ARL4D: variants seen among roughly 807,000 people sequenced by gnomAD.
The protein encoded by ARL4D is ADP-ribosylation factor-like protein 4D.
In ARL4D, 1 loss-of-function variant was observed where a neutral mutation model predicts 0.6. The observed-to-expected ratio is 1.64, with a 90% CI of 0.58 to 7.76. The LOEUF (loss-of-function observed/expected upper bound fraction) is 7.76, where lower values mean the gene tolerates loss of function less well. Among genes scored for constraint, ARL4D ranks in the 30% most tolerant of loss-of-function variants. ARL4D has a pLI of 0.14. For synonymous variants in ARL4D, 102 were observed against 115.2 expected (o/e 0.89, Z 0.73); for missense variants, 230 against 264.5 (o/e 0.87, Z 0.90).
At chr17:43,399,555 A>T (rs1049822866) in intron 1 of ARL4D, 106 bp from the exon 2 acceptor site, 14 of 808,054 alleles carry the variant, frequency 1.7e-5, no homozygotes, top group Middle Eastern at 3.0e-4. Context: ...AAGGAATTTT[A>T]AAAATGAAGG....
At chr17:43,399,529 A>G in intron 1 of ARL4D, 132 bp from the exon 2 acceptor site, 2 of 700,452 alleles carry the variant, frequency 2.9e-6, no homozygotes, top group Non-Finnish European at 4.5e-6. Context: ...TGCCTTAAAA[A>G]AAAAAAAAAA....
chr17:43,399,865 G>A lies in ARL4D; in HGVS notation c.133G>A (p.Glu45Lys). ...TSLLYRLKFK[E>K]FVQSVPTKGF... ...CCTCCTTTACCGCCTCAAGTTCAAGGAGTTTGTCCAGAGTGTCCCCACCAA... is the reference window on the plus strand; with the variant it reads ...CCTCCTTTACCGCCTCAAGTTCAAGAAGTTTGTCCAGAGTGTCCCCACCAA... The change falls in exon 2 of 2, where the codon GAG (glutamate) becomes AAG (lysine). Residue 45 changes from glutamate to lysine, a missense_variant. By Grantham distance (56) the Glu-to-Lys change is moderately conservative. This residue lies in a region of ARL4D where 91 missense variants were observed against 100.4 expected (regional missense o/e 0.91). Transcript: ENST00000320033. The A allele has an allele frequency of 6.2e-7, 1 of 1,614,044 alleles. No homozygotes were observed. Among genetic ancestry groups the A allele is most frequent in the Non-Finnish European group, 8.5e-7 (1 of 1,180,006 alleles).
intron 1 of ARL4D, among the ~76,000 whole-genome samples, 170 bp downstream of exon 1, chr17:43,399,263 G>A (rs2058077503): frequency 1.3e-5 from 2 of 152,096 alleles, no homozygotes; most frequent in Admixed American, 1.3e-4. Context: ...GCGGAGGGCG[G>A]GTGGGAGCCG....
chr17:43,400,098 C>T lies in ARL4D; in HGVS notation c.366C>T (p.Ala122=), dbSNP rs142692407. 498 of 1,611,564 alleles carry T rather than the reference C, an allele frequency of 3.1e-4. 1 individual carries two copies. The highest frequency in any genetic ancestry group is 4.1e-4 in the Non-Finnish European group (481 of 1,179,952). The part of the protein sequence containing the change: ...AKVELHRISR[A]SDNQGVPVLV... ...TGGAGTTGCACCGAATCAGCCGGGCCTCGGACAACCAGGGCGTGCCAGTGC... is the reference window on the plus strand; with the variant it reads ...TGGAGTTGCACCGAATCAGCCGGGCTTCGGACAACCAGGGCGTGCCAGTGC... Residue 122 remains alanine, a synonymous_variant, in exon 2 of 2, where the codon GCC becomes GCT. Coordinates refer to ENST00000320033, the MANE Select transcript of ARL4D (RefSeq NM_001661.4).
chr17:43,399,518 A>G, intron 1 of ARL4D, 143 bp from the exon 2 acceptor site: 1 of 605,256 alleles, frequency 1.7e-6, no homozygotes, highest in Non-Finnish European at 2.7e-6. Flanking sequence ...CACCTCTGTT[A>G]TGCCTTAAAA....
intron 1 of ARL4D, among the ~76,000 whole-genome samples, chr17:43,399,328 T>C (rs1344030740): frequency 2.0e-5 from 3 of 151,974 alleles, no homozygotes; most frequent in Non-Finnish European, 1.5e-5. Flanking sequence ...GGGGGCACTG[T>C]CGACTTCCCC....
In ARL4D at chr17:43,400,386, T is replaced by C. The variant is rs1321555060; in HGVS notation, c.*48T>C. ...TCCCACCTAGTAGGGGTCTGCACAC[T>C]TGGACAGCAGGGTGGGACCAGCCTG... On this transcript the variant is annotated 3_prime_UTR_variant, in exon 2 of 2. Transcript: ENST00000320033. The C allele has an allele frequency of 1.2e-5, 18 of 1,528,374 alleles. No individual in the cohort carries two copies. The highest frequency in any genetic ancestry group is 1.6e-5 in the Non-Finnish European group (18 of 1,139,480). 94.7% of individuals were successfully genotyped at this position (1,528,374 alleles called of 1,614,324 possible). A position where few individuals can be genotyped will look rare whatever the true frequency, so the allele number is the denominator to read the frequency against.
rs1277303980 is a variant in ARL4D, at chr17:43,400,420, C to CA, written c.*83dup. On this transcript the variant is annotated 3_prime_UTR_variant, in exon 2 of 2. Coordinates refer to ENST00000320033, the MANE Select transcript of ARL4D (RefSeq NM_001661.4). ...AGGGTGGGACCAGCCTGTGACCTCT[C>CA]AGTCAGACTGGGGTGCAGGACCTGT... The CA allele has an allele frequency of 1.2e-5, 18 of 1,493,464 alleles. No homozygotes were observed. Among genetic ancestry groups the CA allele is most frequent in the South Asian group, 8.2e-5 (6 of 73,036 alleles). 92.5% of individuals were successfully genotyped at this position (1,493,464 alleles called of 1,614,324 possible).
At position 43,399,741 on chromosome 17, in the gene ARL4D, C is replaced by T. The variant is rs2058079817; in HGVS notation, c.9C>T (p.Asn3=). MG[N]HLTEMAPTAS... is the part of the protein sequence containing the mutation. Reference sequence around the variant, plus strand: ...AGGCGCCTTAGCTCACTATGGGGAACCACTTGACTGAGATGGCGCCCACTG... The same window carrying T: ...AGGCGCCTTAGCTCACTATGGGGAATCACTTGACTGAGATGGCGCCCACTG... Residue 3 remains asparagine (N), a synonymous_variant, in exon 2 of 2, where the codon AAC becomes AAT. Coordinates refer to ENST00000320033, the MANE Select transcript of ARL4D (RefSeq NM_001661.4). 6.2e-7 allele frequency: 1 copy of T among 1,612,232 alleles called. No individual in the cohort carries two copies. The highest frequency in any genetic ancestry group is 1.7e-5 in the Admixed American group (1 of 59,962).
At position 43,400,512 on chromosome 17, in the gene ARL4D, G is replaced by C. The variant is rs868656496; in HGVS notation, c.*174G>C. On this transcript the variant is annotated 3_prime_UTR_variant, in exon 2 of 2. Coordinates refer to ENST00000320033, the MANE Select transcript of ARL4D (RefSeq NM_001661.4). ...TGGTGCCACACTGGGGTGGGGATGG[G>C]AGATGGGATGTCTTTGCATATCTCT... The C allele has an allele frequency of 1.3e-6, 1 of 779,800 alleles. No homozygotes were observed. The highest frequency in any genetic ancestry group is 3.9e-4 in the Middle Eastern group (1 of 2,560). The allele number at this position is 779,800 out of a possible 1,614,324, so 48.3% of individuals were successfully genotyped here. A position where few individuals can be genotyped will look rare whatever the true frequency, so the allele number is the denominator to read the frequency against.
In ARL4D at chr17:43,400,776, T is replaced by C. The variant is rs2058085425; in HGVS notation, c.*438T>C. 8 of 176,504 alleles carry C rather than the reference T, an allele frequency of 4.5e-5. No individual in the cohort carries two copies. In the South Asian group the frequency reaches 1.4e-3, roughly 30 times the overall value. The allele number at this position is 176,504 out of a possible 1,614,324, so 10.9% of individuals were successfully genotyped here. On this transcript the variant is annotated 3_prime_UTR_variant, in exon 2 of 2. Transcript: ENST00000320033. ...CAGGCTGCTTTTCTAGGAATACCAGTCACATAGTTTTTATTTTTGTGTCTG... is the reference window on the plus strand; with the variant it reads ...CAGGCTGCTTTTCTAGGAATACCAGCCACATAGTTTTTATTTTTGTGTCTG...
In ARL4D at chr17:43,399,731, C is replaced by T; in HGVS notation, c.-2C>T. 1 of 1,611,328 alleles carries T rather than the reference C, an allele frequency of 6.2e-7. No individual in the cohort carries two copies. Among genetic ancestry groups the T allele is most frequent in the Non-Finnish European group, 8.5e-7 (1 of 1,177,992 alleles). On this transcript the variant is annotated 5_prime_UTR_variant, in exon 2 of 2. Coordinates refer to ENST00000320033, the MANE Select transcript of ARL4D (RefSeq NM_001661.4). ...TGCCTCTACTAGGCGCCTTAGCTCA[C>T]TATGGGGAACCACTTGACTGAGATG... is the stretch of plus-strand genomic sequence containing the variant.
intron 1 of ARL4D, 84 bp from the exon 2 acceptor site, chr17:43,399,577 A>T: frequency 5.6e-6 from 5 of 892,754 alleles, no homozygotes; most frequent in South Asian, 1.9e-5. Context: ...TGGGAGGGTG[A>T]TTTAGGAAGG....
Position 43,400,746 on chromosome 17 carries a change from C to CT in ARL4D, c.*409dup, listed in dbSNP as rs2058085321. Reference sequence around the variant, plus strand: ...TTCCTCTGTCCCCCAACTGGGGAGTCTCCCCAGGCTGCTTTTCTAGGAATA... The same window carrying CT: ...TTCCTCTGTCCCCCAACTGGGGAGTCTTCCCCAGGCTGCTTTTCTAGGAATA... On this transcript the variant is annotated 3_prime_UTR_variant, in exon 2 of 2. Coordinates refer to ENST00000320033, the MANE Select transcript of ARL4D (RefSeq NM_001661.4). 1 of 181,058 alleles carries CT rather than the reference C, an allele frequency of 5.5e-6. No homozygotes were observed. The highest frequency in any genetic ancestry group is 2.4e-5 in the African/African-American group (1 of 41,680). 11.2% of individuals were successfully genotyped at this position (181,058 alleles called of 1,614,324 possible).
In ARL4D at chr17:43,399,648, T is replaced by G. The variant is rs2058079323; in HGVS notation, c.-72-13T>G. The G allele has an allele frequency of 4.7e-6, 7 of 1,492,920 alleles. No homozygotes were observed. Among genetic ancestry groups the G allele is most frequent in the Non-Finnish European group, 4.5e-6 (5 of 1,114,374 alleles). The allele number at this position is 1,492,920 out of a possible 1,614,324, so 92.5% of individuals were successfully genotyped here. On this transcript the variant is annotated splice_polypyrimidine_tract_variant and intron_variant, in intron 1 of 1. Transcript: ENST00000320033. ...ACGTCTCCTTTTTCTCCCATGACCT[T>G]TTCTTGGTTCAGATAACCCAGCTGT... is the stretch of plus-strand genomic sequence containing the variant.
At chr17:43,399,524 T>TTA in intron 1 of ARL4D, 137 bp from the exon 2 acceptor site, 1 of 539,182 alleles carries the variant, frequency 1.9e-6, no homozygotes, top group Non-Finnish European at 3.0e-6. Flanking sequence ...TGTTATGCCT[T>TTA]AAAAAAAAAA....
intron 1 of ARL4D, among the ~76,000 whole-genome samples, chr17:43,399,329 C>T (rs1777088414): frequency 6.6e-6 from 1 of 152,020 alleles, no homozygotes; most frequent in African/African-American, 2.4e-5. Context: ...GGGGCACTGT[C>T]GACTTCCCCC....
At position 43,400,017 on chromosome 17, in the gene ARL4D, C is replaced by T. The variant is rs774397233; in HGVS notation, c.285C>T (p.Asp95=). ...GGCGCTCTTATACCCGCCGGACAGA[C>T]GGTCTAGTGTTTGTGGTGGACGCTG... The part of the protein sequence containing the change: ...PLWRSYTRRT[D]GLVFVVDAAE... Residue 95 remains aspartate (D), a synonymous_variant, in exon 2 of 2, where the codon GAC becomes GAT. Coordinates refer to ENST00000320033, the MANE Select transcript of ARL4D (RefSeq NM_001661.4). 3 of 1,614,014 alleles carry T rather than the reference C, an allele frequency of 1.9e-6. No homozygotes were observed. The East Asian group carries it at 6.7e-5, about 36-fold the overall frequency.
chr17:43,400,737 C>G lies in ARL4D; in HGVS notation c.*399C>G, dbSNP rs1182793542. ...TATCTCCCCTTCCTCTGTCCCCCAACTGGGGAGTCTCCCCAGGCTGCTTTT... is the reference window on the plus strand; with the variant it reads ...TATCTCCCCTTCCTCTGTCCCCCAAGTGGGGAGTCTCCCCAGGCTGCTTTT... On this transcript the variant is annotated 3_prime_UTR_variant, in exon 2 of 2. Transcript: ENST00000320033. 5.4e-6 allele frequency: 1 copy of G among 184,158 alleles called. No individual in the cohort carries two copies. Among genetic ancestry groups the G allele is most frequent in the East Asian group, 1.7e-4 (1 of 5,902 alleles). The allele number at this position is 184,158 out of a possible 1,614,324, so 11.4% of individuals were successfully genotyped here.
Sources: allele counts gnomAD v4.1 joint callset (sites outside exome capture counted in the v4.1 genomes callset), GRCh38; gene constraint gnomAD v4.1.1; regional missense constraint gnomAD v4.1.1; transcripts MANE v1.5; gene names NCBI Gene and HGNC (gene_info 2026-07-23, HGNC 2026-07-21).